FLOT1: variants seen among roughly 807,000 people sequenced by gnomAD.
The protein encoded by FLOT1 is flotillin-1.
In FLOT1, 40 loss-of-function variants were observed where a neutral mutation model predicts 58.4. The ratio of observed to expected loss-of-function variants is 0.69; its 90% CI spans 0.53 to 0.89. The LOEUF (loss-of-function observed/expected upper bound fraction) is 0.89, where lower values mean the gene tolerates loss of function less well. Ranked by LOEUF, FLOT1 falls within the 40% of genes least tolerant of loss-of-function variation. The pLI is 0.00. For missense variants in FLOT1, 423 were observed against 540.8 expected (o/e 0.78, Z 2.16); for synonymous variants, 178 against 204.2 (o/e 0.87, Z 1.09).
In FLOT1 at chr6:30,741,270, T is replaced by C; in HGVS notation, c.274A>G (p.Thr92Ala). ...GCAATGTGGGCAATCTCAGCCTCCG[T>C]CTTCCCCAGGAACATCTGACAGGCG... ...AAACQMFLGK[T>A]EAEIAHIALE... Residue 92 changes from threonine to alanine, a missense_variant, in exon 5 of 13, where the codon ACG becomes GCG. Transcript: ENST00000376389. This position sits in a 1 kb window ranked among gnomAD's most constrained non-coding sequence, Gnocchi z 5.9. The C allele has an allele frequency of 6.2e-7, 1 of 1,613,106 alleles. No individual in the cohort carries two copies. Among genetic ancestry groups the C allele is most frequent in the Non-Finnish European group, 8.5e-7 (1 of 1,180,034 alleles).
rs1777672374 is a variant in FLOT1, at chr6:30,737,358, G to C, written c.723+2800C>G. On this transcript the variant is annotated intron_variant, in intron 8 of 12. Transcript: ENST00000376389. This position sits in a 1 kb window ranked among gnomAD's most constrained non-coding sequence, Gnocchi z 4.4. ...GGCTCACTGTGCCTTCTGGATTCAAGCGATTCTCACGCCTCAGCCTCCCAA... is the reference window on the plus strand; with the variant it reads ...GGCTCACTGTGCCTTCTGGATTCAACCGATTCTCACGCCTCAGCCTCCCAA... 6.6e-6 allele frequency among the ~76,000 whole-genome samples: 1 copy of C among 152,106 alleles called. No individual in the cohort carries two copies. Among genetic ancestry groups the C allele is most frequent in the Non-Finnish European group, 1.5e-5 (1 of 68,022 alleles).
chr6:30,740,301 C>T lies in FLOT1; in HGVS notation c.580G>A (p.Ala194Thr). 6.2e-7 allele frequency: 1 copy of T among 1,613,008 alleles called. No homozygotes were observed. Among genetic ancestry groups the T allele is most frequent in the South Asian group, 1.1e-5 (1 of 91,082 alleles). Residue 194 changes from alanine to threonine, a missense_variant, in exon 8 of 13, where the codon GCC becomes ACC. Transcript: ENST00000376389. ...KRDAGIREAKAKQEKVSAQYL... is the reference protein window; with the variant it reads ...KRDAGIREAKTKQEKVSAQYL... Reference sequence around the variant, plus strand: ...TGAGCAGACACCTTTTCCTGCTTGGCTTTAGCTTCCTGTCCAAGCAGAGAT... The same window carrying T: ...TGAGCAGACACCTTTTCCTGCTTGGTTTTAGCTTCCTGTCCAAGCAGAGAT...
chr6:30,740,052 A>C lies in FLOT1; in HGVS notation c.723+106T>G. On this transcript the variant is annotated intron_variant, in intron 8 of 12. Coordinates refer to ENST00000376389, the MANE Select transcript of FLOT1 (RefSeq NM_005803.4). Reference sequence around the variant, plus strand: ...AGTTGGTCCAGAGATGGAGAGCCAGAATAAGACCAAAGTTAAAGTATGAGA... The same window carrying C: ...AGTTGGTCCAGAGATGGAGAGCCAGCATAAGACCAAAGTTAAAGTATGAGA... 6.2e-6 allele frequency: 7 copies of C among 1,126,300 alleles called. No individual in the cohort carries two copies. The South Asian group carries it at 1.0e-4, about 16-fold the overall frequency. 69.8% of individuals were successfully genotyped at this position (1,126,300 alleles called of 1,614,324 possible). A position where few individuals can be genotyped will look rare whatever the true frequency, so the allele number is the denominator to read the frequency against.
intron 8 of FLOT1, among the ~76,000 whole-genome samples, chr6:30,736,094 A>G (rs1225796639): frequency 6.6e-6 from 1 of 152,094 alleles, no homozygotes; most frequent in African/African-American, 2.4e-5. Context: ...TCTACAAAAC[A>G]TACAAAAATT....
At chr6:30,738,897 G>A (rs932687387) in intron 8 of FLOT1, among the ~76,000 whole-genome samples, 1 of 152,144 alleles carries the variant, frequency 6.6e-6, no homozygotes, top group African/African-American at 2.4e-5. Flanking sequence ...GCTGAAACAA[G>A]GCAGCAGAGC....
rs1454146900 is a variant in FLOT1, at chr6:30,730,056, C to G, written c.1220G>C (p.Ser407Thr). ...GCTCACGCCTGTGAGTCTTTCCACA[C>G]TCTCTGGCAGGCGAGTTAGAATGTC... ...VLDILTRLPESVERLTGVSIS... is the reference protein window; with the variant it reads ...VLDILTRLPETVERLTGVSIS... Residue 407 changes from serine (S) to threonine (T), a missense_variant, in exon 12 of 13, where the codon AGT becomes ACT. Physicochemically the swap from Ser to Thr is moderately conservative, Grantham distance 58. Around this residue, in one of 6 missense-constraint regions of FLOT1, gnomAD observed 44 missense variants for 40.3 expected, o/e 1.09. Transcript: ENST00000376389. The G allele has an allele frequency of 6.8e-6, 11 of 1,613,046 alleles. No individual in the cohort carries two copies. The highest frequency in any genetic ancestry group is 1.1e-5 in the South Asian group (1 of 91,082).
Position 30,730,121 on chromosome 6 carries a change from A to T in FLOT1, c.1155T>A (p.Ser385Arg), listed in dbSNP as rs1386565016. The T allele has an allele frequency of 1.9e-6, 3 of 1,612,890 alleles. No individual in the cohort carries two copies. In the Admixed American group the frequency reaches 5.0e-5, roughly 27 times the overall value. Residue 385 changes from serine (S) to arginine (R), a missense_variant, in exon 12 of 13, where the codon AGT becomes AGA. Around this residue, in one of 6 missense-constraint regions of FLOT1, gnomAD observed 42 missense variants for 74.4 expected, o/e 0.56. Transcript: ENST00000376389. ...TCACTTTGGCTGCCCCCATGGTCCC[A>T]CTGCCGCTGGACACCAGTGTGATCT... is the stretch of plus-strand genomic sequence containing the variant. ...ANKITLVSSG[S>R]GTMGAAKVTG... is the part of the protein sequence containing the mutation.
At chr6:30,732,469 C>A (rs1777270571) in intron 8 of FLOT1, among the ~76,000 whole-genome samples, 1 of 152,044 alleles carries the variant, frequency 6.6e-6, no homozygotes, top group Admixed American at 6.6e-5. Context: ...CCTCCCGCCT[C>A]CCCCTCTAGA....
chr6:30,731,472 A>T (rs999780848), intron 8 of FLOT1, among the ~76,000 whole-genome samples: 1 of 145,304 alleles, frequency 6.9e-6, no homozygotes, highest in South Asian at 2.3e-4. Flanking sequence ...GCAACAGAGT[A>T]AGACTCCATC....
chr6:30,734,996 T>C (rs1397418969), intron 8 of FLOT1, among the ~76,000 whole-genome samples: 1 of 152,238 alleles, frequency 6.6e-6, no homozygotes, highest in African/African-American at 2.4e-5. Flanking sequence ...TCTGAGTATG[T>C]GGGTGAGGCT....
At chr6:30,729,746 C>T (rs9500866) in intron 12 of FLOT1, among the ~76,000 whole-genome samples, 4,254 of 152,284 alleles carry the variant, frequency 0.028, 116 homozygotes, top group East Asian at 0.092. Context: ...GTTGCAGAGA[C>T]AGTCGACCTG....
At chr6:30,734,403 G>C (rs1457652538) in intron 8 of FLOT1, among the ~76,000 whole-genome samples, 1 of 151,184 alleles carries the variant, frequency 6.6e-6, no homozygotes, top group Non-Finnish European at 1.5e-5. Context: ...CTGCCTCCCA[G>C]GTTCAAGTGA....
intron 8 of FLOT1, among the ~76,000 whole-genome samples, chr6:30,735,153 G>C (rs759453036): frequency 2.6e-5 from 4 of 152,108 alleles, no homozygotes; most frequent in Non-Finnish European, 5.9e-5. Context: ...TGGAAGTTCT[G>C]GGAGCTGAGT....
chr6:30,730,442 C>T lies in FLOT1; in HGVS notation c.1075G>A (p.Glu359Lys), dbSNP rs1195956454. Reference protein sequence around the residue: ...QEAAQLDMLLEKLPQVAEEIS... With the variant: ...QEAAQLDMLLKKLPQVAEEIS... The stretch of plus-strand genomic sequence containing the variant: ...GACCTCCAGACCTGGGGCAGCTTCT[C>T]TAGCAGCATGTCCAGCTGAGCAGCC... Residue 359 changes from glutamate (E) to lysine (K), a missense_variant, in exon 11 of 13, where the codon GAG (glutamate) becomes AAG (lysine). Glu to Lys is a moderately conservative substitution (Grantham distance 56). This residue lies in a region of FLOT1 where 42 missense variants were observed against 74.4 expected (regional missense o/e 0.56). Coordinates refer to ENST00000376389, the MANE Select transcript of FLOT1 (RefSeq NM_005803.4). 4 of 1,575,782 alleles carry T rather than the reference C, an allele frequency of 2.5e-6. No individual in the cohort carries two copies. The African/African-American group carries it at 5.4e-5, about 21-fold the overall frequency.
Position 30,728,227 on chromosome 6 carries a change from G to A in FLOT1, c.1255-82C>T. ...TACTCTCCCGGGCCCCAGTTTAGAC[G>A]AATGGGCTATAGGCAGAACACACAC... On this transcript the variant is annotated intron_variant, in intron 12 of 12. Transcript: ENST00000376389. 4 of 1,185,820 alleles carry A rather than the reference G, an allele frequency of 3.4e-6. No individual in the cohort carries two copies. In the South Asian group the frequency reaches 3.7e-5, roughly 11 times the overall value. The allele number at this position is 1,185,820 out of a possible 1,614,324, so 73.5% of individuals were successfully genotyped here. A position where few individuals can be genotyped will look rare whatever the true frequency, so the allele number is the denominator to read the frequency against.
chr6:30,740,697 C>T lies in FLOT1; in HGVS notation c.456G>A (p.Lys152=). 1.2e-6 allele frequency: 2 copies of T among 1,613,018 alleles called. No homozygotes were observed. The highest frequency in any genetic ancestry group is 1.7e-6 in the Non-Finnish European group (2 of 1,180,034). ...MGISVVSYTL[K]DIHDDQDYLH... is the part of the protein sequence containing the mutation. The stretch of plus-strand genomic sequence containing the variant: ...GTTTTACCTGGTCATCGTGAATGTC[C>T]TTCAGAGTGTAGCTAACCACACTGA... The change falls in exon 6 of 13, where the codon AAG becomes AAA. Residue 152 remains lysine, a synonymous_variant. Transcript: ENST00000376389.
rs1198719179 is a variant in FLOT1 at position 30,741,023 on chromosome 6, G to A, written c.354+167C>T. On this transcript the variant is annotated intron_variant, in intron 5 of 12. Transcript: ENST00000376389. This position sits in a 1 kb window ranked among gnomAD's most constrained non-coding sequence, Gnocchi z 5.9. ...GCTGGTCTCGAACTCCTGACCTCAA[G>A]TGATCTGCCCACCTTGGCATCCCAA... 6.6e-6 allele frequency among the ~76,000 whole-genome samples: 1 copy of A among 152,140 alleles called. No individual in the cohort carries two copies.
At chr6:30,728,211 G>A (rs1394514964) in intron 12 of FLOT1, 66 bp from the exon 13 acceptor site, 27 of 1,460,732 alleles carry the variant, frequency 1.8e-5, no homozygotes, top group Non-Finnish European at 2.3e-5. Flanking sequence ...CTACTCTCCC[G>A]GGCCCCAGTT....
In FLOT1 at chr6:30,742,008, G is replaced by C; in HGVS notation, c.43+139C>G. The C allele has an allele frequency of 8.5e-7, 1 of 1,176,492 alleles. No individual in the cohort carries two copies. The highest frequency in any genetic ancestry group is 1.3e-5 in the South Asian group (1 of 78,032). The allele number at this position is 1,176,492 out of a possible 1,614,324, so 72.9% of individuals were successfully genotyped here. On this transcript the variant is annotated intron_variant, in intron 2 of 12. Transcript: ENST00000376389. This position sits in a 1 kb window ranked among gnomAD's most constrained non-coding sequence, Gnocchi z 5.2. ...AGCAGTCTGGGCCTTGGAATGGTGGGAATCAAACTGGGCAGTTCGTGGCCA... is the reference window on the plus strand; with the variant it reads ...AGCAGTCTGGGCCTTGGAATGGTGGCAATCAAACTGGGCAGTTCGTGGCCA...
Sources: gnomAD v4.1 joint callset for allele counts (sites outside exome capture counted in the v4.1 genomes callset) on GRCh38, gnomAD v4.1.1 for gene constraint, gnomAD v4.1.1 regional missense constraint, Gnocchi (gnomAD v3.1) non-coding constraint, MANE v1.5 for transcripts, NCBI Gene and HGNC (gene_info 2026-07-23, HGNC 2026-07-21) for gene names.